Variants in CDHR2 observed in about 807,000 individuals in gnomAD.
The protein encoded by CDHR2 is cadherin related family member 2.
Under a neutral mutation model 138.6 loss-of-function variants are expected in CDHR2, and 104 were observed. The observed-to-expected ratio is 0.75, with a 90% CI of 0.64 to 0.88. The LOEUF (loss-of-function observed/expected upper bound fraction) is 0.88. Ranked by LOEUF, CDHR2 falls within the 40% of genes least tolerant of loss-of-function variation. CDHR2 has a pLI of 0.00. For missense variants in CDHR2, 1,624 were observed against 1,727.6 expected (o/e 0.94, Z 1.06); for synonymous variants, 755 against 742.8 (o/e 1.02, Z -0.27).
At chr5:176,571,385 G>T in intron 6 of CDHR2, 83 bp downstream of exon 6, 5 of 978,688 alleles carry the variant, frequency 5.1e-6, no homozygotes, top group Non-Finnish European at 7.4e-6. Context: ...GACAGTCAGT[G>T]GGGCATTCAG....
chr5:176,575,581 T>C lies in CDHR2; in HGVS notation c.844T>C (p.Tyr282His). ...INDPVIYSIS[Y>H]STRPGWFDIG... The stretch of plus-strand genomic sequence containing the variant: ...TGACCCTGTGATCTACAGCATCTCC[T>C]GTGAGAACGGGGTGTCCCCAGGCCA... The change falls in exon 10 of 32, where the codon TAC becomes CAC. Residue 282 changes from tyrosine to histidine, a missense_variant and splice_region_variant. Around this residue, in one of 3 missense-constraint regions of CDHR2, gnomAD observed 1,061 missense variants for 1,136.6 expected, o/e 0.93. Transcript: ENST00000261944. 6.2e-7 allele frequency: 1 copy of C among 1,613,892 alleles called. No homozygotes were observed. The highest frequency in any genetic ancestry group is 1.3e-5 in the African/African-American group (1 of 75,028).
chr5:176,548,433 G>A (rs569930734), upstream of CDHR2, among the ~76,000 whole-genome samples: 9 of 152,168 alleles, frequency 5.9e-5, no homozygotes, highest in Non-Finnish European at 1.3e-4. Context: ...CCACCACATC[G>A]GGCAGCGCTT....
intron 1 of CDHR2, among the ~76,000 whole-genome samples, chr5:176,563,056 T>C (rs1758000066): frequency 6.6e-6 from 1 of 152,088 alleles, no homozygotes; most frequent in Non-Finnish European, 1.5e-5. Context: ...CAGTCAAGGC[T>C]GTGGTTATGG....
At chr5:176,554,373 G>A (rs912188627) in intron 1 of CDHR2, among the ~76,000 whole-genome samples, 7 of 152,216 alleles carry the variant, frequency 4.6e-5, no homozygotes, top group African/African-American at 7.2e-5. Flanking sequence ...ACAACCCCAC[G>A]GAAGGAAGAA....
At position 176,571,245 on chromosome 5, in the gene CDHR2, T is replaced by G; in HGVS notation, c.348T>G (p.Asp116Glu). ...VQREMLVIVE[D>E]RNDNAPVFQN... ...GGGAGATGCTGGTGATTGTGGAAGA[T>G]AGAAACGACAACGCACCCGTTTTCC... The change falls in exon 6 of 32, where the codon GAT becomes GAG. Residue 116 changes from aspartate to glutamate, a missense_variant. By Grantham distance (45) the Asp-to-Glu change is conservative. Coordinates refer to ENST00000261944, the MANE Select transcript of CDHR2 (RefSeq NM_017675.6). The G allele has an allele frequency of 1.2e-6, 2 of 1,612,366 alleles. No individual in the cohort carries two copies. Among genetic ancestry groups the G allele is most frequent in the Non-Finnish European group, 1.7e-6 (2 of 1,179,370 alleles).
chr5:176,563,165 C>T (rs749658636), intron 1 of CDHR2, among the ~76,000 whole-genome samples: 5 of 152,010 alleles, frequency 3.3e-5, no homozygotes, highest in African/African-American at 9.7e-5. Flanking sequence ...CTGGCCAACA[C>T]GGTGAAACCC....
intron 31 of CDHR2, among the ~76,000 whole-genome samples, chr5:176,593,400 C>T (rs930711158): frequency 6.6e-6 from 1 of 152,188 alleles, no homozygotes; most frequent in Non-Finnish European, 1.5e-5. Flanking sequence ...TGATGGCCCA[C>T]GTGGAGCCTG....
At position 176,581,655 on chromosome 5, in the gene CDHR2, C is replaced by T. The variant is rs796707720; in HGVS notation, c.2058+73C>T. On this transcript the variant is annotated intron_variant, in intron 17 of 31. Transcript: ENST00000261944. Reference sequence around the variant, plus strand: ...TAGCCAGCCCCTCCAGCTTGAGTCACACTTCTGCCCTCTGCAGCCAGCCTG... The same window carrying T: ...TAGCCAGCCCCTCCAGCTTGAGTCATACTTCTGCCCTCTGCAGCCAGCCTG... 7.0e-6 allele frequency: 11 copies of T among 1,565,040 alleles called. No homozygotes were observed. In the African/African-American group the frequency reaches 1.2e-4, roughly 17 times the overall value.
At chr5:176,562,919 C>A (rs896010081) in intron 1 of CDHR2, among the ~76,000 whole-genome samples, 3 of 152,136 alleles carry the variant, frequency 2.0e-5, no homozygotes, top group Non-Finnish European at 2.9e-5. Flanking sequence ...ACAATTACGC[C>A]CTATACATCA....
chr5:176,574,167 GAGA>G lies in CDHR2; in HGVS notation c.493_495del (p.Lys165del), dbSNP rs757394358. On this transcript the variant is annotated inframe_deletion and splice_region_variant, in exon 7 of 32. Transcript: ENST00000261944. The stretch of plus-strand genomic sequence containing the variant: ...TGCAGGCATGGTCGTGTACTCCATA[GAGA>G]AGGTGAGTGTGAAGGGGGCCCTGAC... The G allele has an allele frequency of 2.5e-5, 40 of 1,612,904 alleles. No individual in the cohort carries two copies. The highest frequency in any genetic ancestry group is 1.3e-4 in the East Asian group (6 of 44,874).
chr5:176,586,672 T>G, intron 20 of CDHR2, 121 bp from the exon 21 acceptor site: 1 of 832,458 alleles, frequency 1.2e-6, no homozygotes, highest in Non-Finnish European at 2.0e-6. Flanking sequence ...AGGGGTCTCT[T>G]TTGGTAGAGA....
In CDHR2 at chr5:176,575,548, G is replaced by T; in HGVS notation, c.811G>T (p.Gly271Cys). The T allele has an allele frequency of 6.2e-7, 1 of 1,614,178 alleles. No individual in the cohort carries two copies. Among genetic ancestry groups the T allele is most frequent in the Non-Finnish European group, 8.5e-7 (1 of 1,180,028 alleles). The change falls in exon 10 of 32, where the codon GGC becomes TGC. Residue 271 changes from glycine to cysteine, a missense_variant. Physicochemically the swap from Gly to Cys is radical, Grantham distance 159. Around this residue, in one of 3 missense-constraint regions of CDHR2, gnomAD observed 1,061 missense variants for 1,136.6 expected, o/e 0.93. Transcript: ENST00000261944. ...GGTGGAGGCTGTGGATGGCGACAAA[G>T]GCATCAATGACCCTGTGATCTACAG... ...LTVEAVDGDK[G>C]INDPVIYSIS... is the part of the protein sequence containing the mutation.
intron 7 of CDHR2, 119 bp from the exon 8 acceptor site, chr5:176,574,965 T>G (rs1213801853): frequency 8.1e-7 from 1 of 1,227,002 alleles, no homozygotes; most frequent in African/African-American, 1.5e-5. Flanking sequence ...TCATATGACC[T>G]GGTGCCAGTG....
upstream of CDHR2, among the ~76,000 whole-genome samples, chr5:176,548,770 A>G (rs955045403): frequency 6.6e-6 from 1 of 151,902 alleles, no homozygotes; most frequent in African/African-American, 2.4e-5. Flanking sequence ...TAAAAAAAAA[A>G]GGCAACTTGG....
intron 5 of CDHR2, among the ~76,000 whole-genome samples, chr5:176,570,749 C>A (rs1286291598): frequency 6.6e-6 from 1 of 152,118 alleles, no homozygotes; most frequent in African/African-American, 2.4e-5. Context: ...GTCGGGAGTT[C>A]AAGAGCAGCC....
In CDHR2 at chr5:176,580,541, AAAG is replaced by A. The variant is rs1203940587; in HGVS notation, c.1819-799_1819-797del. On this transcript the variant is annotated intron_variant, in intron 16 of 31. Transcript: ENST00000261944. ...GAGACTCCACCTCAAAAAAAAAAAA[AAAG>A]AAAGAAAGAAAGAAAAAAAAGAAAA... Among the ~76,000 whole-genome samples the A allele has an allele frequency of 1.6e-3, 245 of 150,932 alleles. 1 individual carries two copies. Among genetic ancestry groups the A allele is most frequent in the Non-Finnish European group, 2.1e-3 (143 of 67,750 alleles).
upstream of CDHR2, among the ~76,000 whole-genome samples, chr5:176,546,651 C>G (rs995287617): frequency 1.4e-5 from 2 of 147,718 alleles, no homozygotes; most frequent in Admixed American, 1.4e-4. Context: ...CTGGGCAGGG[C>G]GGCTCACACC....
chr5:176,594,888 A>T lies in CDHR2; in HGVS notation c.3793-644A>T, dbSNP rs1217531607. 2.6e-5 allele frequency among the ~76,000 whole-genome samples: 4 copies of T among 152,264 alleles called. No homozygotes were observed. The East Asian group carries it at 7.7e-4, about 29-fold the overall frequency. On this transcript the variant is annotated intron_variant, in intron 31 of 31. Transcript: ENST00000261944. ...ACAGCATGTCGCATGGCGAGGTGGA[A>T]GAGGAAGGGCGGGAGAGATGAGTGA...
Position 176,589,431 on chromosome 5 carries a change from C to T in CDHR2, c.3110C>T (p.Thr1037Ile). The change falls in exon 23 of 32, where the codon ACC (threonine) becomes ATC (isoleucine). Residue 1037 changes from threonine to isoleucine, a missense_variant. Physicochemically the swap from Thr to Ile is moderately conservative, Grantham distance 89. Transcript: ENST00000261944. ...SLGPFLEATT[T>I]LNLFTVDQSY... is the part of the protein sequence containing the mutation. ...GGTCCTTTCCTGGAAGCCACCACCA[C>T]CCTGAATGTGAGTGCTGGTCCCACC... is the stretch of plus-strand genomic sequence containing the variant. 6.2e-7 allele frequency: 1 copy of T among 1,602,224 alleles called. No individual in the cohort carries two copies. The highest frequency in any genetic ancestry group is 8.5e-7 in the Non-Finnish European group (1 of 1,172,672).
Sources: allele counts gnomAD v4.1 joint callset (sites outside exome capture counted in the v4.1 genomes callset), GRCh38; gene constraint gnomAD v4.1.1; regional missense constraint gnomAD v4.1.1; transcripts MANE v1.5; gene names NCBI Gene and HGNC (gene_info 2026-07-23, HGNC 2026-07-21).